The following TBC1D5 variants were observed in gnomAD, a reference collection of about 807,000 sequenced individuals.
TBC1D5 encodes the protein TBC1 domain family member 5.
In TBC1D5, 75 loss-of-function variants were observed where a neutral mutation model predicts 100.3. The observed-to-expected ratio is 0.75, with a 90% CI of 0.62 to 0.91. The LOEUF (loss-of-function observed/expected upper bound fraction) is 0.91, where lower values mean the gene tolerates loss of function less well. Ranked by LOEUF, TBC1D5 falls within the 40% of genes least tolerant of loss-of-function variation. TBC1D5 has a pLI of 0.00. For synonymous variants in TBC1D5, 323 were observed against 325.6 expected (o/e 0.99, Z 0.09); for missense variants, 910 against 942.4 (o/e 0.97, Z 0.45).
intron 2 of TBC1D5, among the ~76,000 whole-genome samples, chr3:17,613,039 C>A (rs2061813461): frequency 6.6e-6 from 1 of 152,084 alleles, no homozygotes; most frequent in Non-Finnish European, 1.5e-5. Context: ...TTCCCCAACC[C>A]CTCACCCCAC....
At chr3:17,614,546 G>A (rs1478014178) in intron 2 of TBC1D5, among the ~76,000 whole-genome samples, 1 of 152,066 alleles carries the variant, frequency 6.6e-6, no homozygotes, top group Non-Finnish European at 1.5e-5. Context: ...ATTTGTTTCT[G>A]TCCTCTTTTA....
At chr3:17,175,836 T>C (rs949373512) in intron 19 of TBC1D5, among the ~76,000 whole-genome samples, 1 of 152,220 alleles carries the variant, frequency 6.6e-6, no homozygotes, top group East Asian at 1.9e-4. Flanking sequence ...GCAGCTAGAA[T>C]GTAAACATGG....
At chr3:17,551,284 C>T (rs1258195488) in intron 2 of TBC1D5, among the ~76,000 whole-genome samples, 2 of 151,996 alleles carry the variant, frequency 1.3e-5, no homozygotes, top group African/African-American at 4.8e-5. Context: ...TTTTAATAAA[C>T]AATAAAATTA....
chr3:17,356,962 G>T (rs2091269893), intron 13 of TBC1D5, among the ~76,000 whole-genome samples: 1 of 149,494 alleles, frequency 6.7e-6, no homozygotes, highest in South Asian at 2.1e-4. Flanking sequence ...TTTAAAAGTG[G>T]GGGTTGTGGG....
intron 2 of TBC1D5, among the ~76,000 whole-genome samples, chr3:17,513,446 A>G (rs1225944614): frequency 6.6e-6 from 1 of 152,218 alleles, no homozygotes; most frequent in African/African-American, 2.4e-5. Flanking sequence ...CTCTTTTAAA[A>G]TGGCACCACA....
chr3:17,586,353 C>G (rs911908538), intron 2 of TBC1D5: 4 of 152,020 alleles, frequency 2.6e-5, no homozygotes, highest in Non-Finnish European at 5.9e-5. Context: ...ATATGCTTAC[C>G]TTGTGGGAGA....
chr3:17,463,944 T>G (rs1025478645), intron 3 of TBC1D5, among the ~76,000 whole-genome samples: 1 of 89,524 alleles, frequency 1.1e-5, no homozygotes, highest in South Asian at 4.0e-4. Flanking sequence ...TCCTTATTCC[T>G]TTTTTTTTTT....
chr3:17,725,584 T>C (rs1209467207), intron 1 of TBC1D5, among the ~76,000 whole-genome samples: 1 of 152,166 alleles, frequency 6.6e-6, no homozygotes, highest in Non-Finnish European at 1.5e-5. Flanking sequence ...ATCCTGTGCC[T>C]TGTGAGGCCT....
intron 14 of TBC1D5, among the ~76,000 whole-genome samples, chr3:17,306,953 G>GA (rs1260764772): frequency 3.9e-5 from 6 of 152,094 alleles, no homozygotes; most frequent in Admixed American, 2.6e-4. Context: ...TTCACTTTGA[G>GA]AAAACCTAAA....
intron 3 of TBC1D5, among the ~76,000 whole-genome samples, chr3:17,468,570 G>T (rs1182296756): frequency 6.6e-6 from 1 of 151,880 alleles, no homozygotes; most frequent in Non-Finnish European, 1.5e-5. Flanking sequence ...ATTTCCCTCT[G>T]TTAGAATGCA....
At position 17,300,834 on chromosome 3, in the gene TBC1D5, G is replaced by A. The variant is rs181787862; in HGVS notation, c.1138+7158C>T. ...TGCCTGTAATCCCAGCACTTCGGGA[G>A]GCTGAGGTGGGCAGATGACCTGAGG... On this transcript the variant is annotated intron_variant, in intron 14 of 21. Transcript: ENST00000253692. Among the ~76,000 whole-genome samples, 13 of 152,286 alleles carry A rather than the reference G, an allele frequency of 8.5e-5. No homozygotes were observed. In the East Asian group the frequency reaches 2.1e-3, roughly 25 times the overall value.
chr3:17,467,286 C>CTTTTTTTTTTT (rs11299814), intron 3 of TBC1D5, among the ~76,000 whole-genome samples: 4 of 121,264 alleles, frequency 3.3e-5, no homozygotes, highest in African/African-American at 1.3e-4. Flanking sequence ...GCCAGACCTT[C>CTTTTTTTTTTT]TTTTTTTTTT....
chr3:17,606,785 A>AAACAAC (rs200032975), intron 2 of TBC1D5, among the ~76,000 whole-genome samples: 1 of 152,058 alleles, frequency 6.6e-6, no homozygotes, highest in Non-Finnish European at 1.5e-5. Flanking sequence ...CTATACTGAA[A>AAACAAC]AACAACAACA....
chr3:17,700,259 G>A (rs1281728665), intron 1 of TBC1D5, among the ~76,000 whole-genome samples: 1 of 151,986 alleles, frequency 6.6e-6, no homozygotes, highest in Non-Finnish European at 1.5e-5. Context: ...ATGGTGCTGG[G>A]AAAACTGGCT....
chr3:17,229,404 T>C (rs2075220711), intron 17 of TBC1D5, among the ~76,000 whole-genome samples: 1 of 152,182 alleles, frequency 6.6e-6, no homozygotes, highest in Non-Finnish European at 1.5e-5. Context: ...AGACATTCTC[T>C]AGCTTGACCA....
At chr3:17,206,452 G>A (rs1347597560) in intron 18 of TBC1D5, among the ~76,000 whole-genome samples, 1 of 152,154 alleles carries the variant, frequency 6.6e-6, no homozygotes, top group Non-Finnish European at 1.5e-5. Context: ...CAATTCTCCA[G>A]TTTTCTAGAA....
chr3:17,158,934 G>C (rs1170865093), exon 22 of TBC1D5: 1 of 152,116 alleles, frequency 6.6e-6, no homozygotes, highest in Non-Finnish European at 1.5e-5. Flanking sequence ...CCTTAGAACT[G>C]AAAACACTGA....
chr3:17,306,413 G>C (rs1165701998), intron 14 of TBC1D5, among the ~76,000 whole-genome samples: 1 of 152,118 alleles, frequency 6.6e-6, no homozygotes, highest in Non-Finnish European at 1.5e-5. Flanking sequence ...CACTGTTACA[G>C]ACTTAAATAA....
Position 17,166,828 on chromosome 3 carries a change from C to T in TBC1D5, c.2033G>A (p.Ser678Asn), listed in dbSNP as rs757653862. 1.5e-5 allele frequency: 24 copies of T among 1,614,190 alleles called. No individual in the cohort carries two copies. In the South Asian group the frequency reaches 2.4e-4, roughly 16 times the overall value. The change falls in exon 21 of 22, where the codon AGC (serine) becomes AAC (asparagine). Residue 678 changes from serine to asparagine, a missense_variant. By Grantham distance (46) the Ser-to-Asn change is conservative (BLOSUM62 1). Transcript: ENST00000253692. ...TTGGCCTCGGCCCTGGCCCTGGCCG[C>T]TGGAGCAGTAGTGGTTGTCCGCAAT...
Sources: gnomAD v4.1 joint callset for allele counts (sites outside exome capture counted in the v4.1 genomes callset) on GRCh38, gnomAD v4.1.1 for gene constraint, MANE v1.5 for transcripts, NCBI Gene and HGNC (gene_info 2026-07-23, HGNC 2026-07-21) for gene names.